The following PHF14 variants were observed in gnomAD, a reference collection of about 807,000 sequenced individuals.
PHF14 encodes the protein PHD finger protein 14.
Under a neutral mutation model 117.9 loss-of-function variants are expected in PHF14, and 55 were observed. The observed-to-expected ratio is 0.47, with a 90% CI of 0.38 to 0.58. The LOEUF is 0.58. PHF14 is among the 20% of genes least tolerant of loss of function. PHF14 has a pLI of 0.00. For synonymous variants in PHF14, 409 were observed against 368.6 expected, an observed-to-expected ratio of 1.11 and a Z score of -1.26; for missense variants, 978 against 1,122.2, an observed-to-expected ratio of 0.87 and a Z score of 1.84.
chr7:11,134,944 A>G (rs1788177512), intron 17 of PHF14, among the ~76,000 whole-genome samples: 1 of 152,118 alleles, frequency 6.6e-6, no homozygotes, highest in Non-Finnish European at 1.5e-5. Context: ...ATACTTGCAC[A>G]TAAACATGCT....
At chr7:11,124,272 T>A (rs976291065) in intron 17 of PHF14, among the ~76,000 whole-genome samples, 19 of 151,916 alleles carry the variant, frequency 1.3e-4, no homozygotes, top group African/African-American at 4.1e-4. Flanking sequence ...CAACCTACTT[T>A]AAAAAAAATT....
In PHF14 at chr7:11,132,022, A is replaced by T. The variant is rs1788103682; in HGVS notation, c.2772+20555A>T. Among the ~76,000 whole-genome samples, 4 of 151,796 alleles carry T rather than the reference A, an allele frequency of 2.6e-5. No homozygotes were observed. The South Asian group carries it at 8.3e-4, about 31-fold the overall frequency. ...TACAACATGGTGTTCTGGGATACAG[A>T]TATATGGTAAAAAGTTACTATAGTT... On this transcript the variant is annotated intron_variant, in intron 17 of 17. Coordinates refer to ENST00000634607, the MANE Select transcript of PHF14 (RefSeq NM_001007157.2).
chr7:11,015,075 A>G (rs1783490281), intron 5 of PHF14: 1 of 152,182 alleles, frequency 6.6e-6, no homozygotes, highest in South Asian at 2.1e-4. Context: ...AACATGCTTT[A>G]TATTAAAAAC....
At chr7:11,038,530 C>T (rs1289084402) in intron 10 of PHF14, among the ~76,000 whole-genome samples, 3 of 150,932 alleles carry the variant, frequency 2.0e-5, no homozygotes, top group Non-Finnish European at 4.4e-5. Context: ...TGGTGGTGCA[C>T]ACCTGTAGTC....
chr7:11,106,801 T>G (rs1018393573), intron 16 of PHF14: 163 of 984,416 alleles, frequency 1.7e-4, no homozygotes, highest in Non-Finnish European at 1.9e-4. Context: ...ATCCAACCCA[T>G]CAGTTCTCTG....
At chr7:11,124,976 G>A (rs1787881297) in intron 17 of PHF14, among the ~76,000 whole-genome samples, 1 of 152,096 alleles carries the variant, frequency 6.6e-6, no homozygotes, top group Admixed American at 6.6e-5. Flanking sequence ...ATTAAAGATG[G>A]TGCTATGGTA....
intron 16 of PHF14, among the ~76,000 whole-genome samples, chr7:11,067,238 A>T (rs1197427310): frequency 6.6e-6 from 1 of 152,236 alleles, no homozygotes; most frequent in African/African-American, 2.4e-5. Context: ...CAGGAAGAGT[A>T]AATCGAAACC....
chr7:11,004,779 T>C (rs1488196124), intron 4 of PHF14, among the ~76,000 whole-genome samples: 1 of 152,020 alleles, frequency 6.6e-6, no homozygotes, highest in African/African-American at 2.4e-5. Flanking sequence ...CTCATGCCTG[T>C]AATCCCAGCA....
At chr7:11,087,464 A>G (rs926915113) in intron 16 of PHF14, among the ~76,000 whole-genome samples, 5 of 152,130 alleles carry the variant, frequency 3.3e-5, no homozygotes, top group African/African-American at 4.8e-5. Flanking sequence ...TGCTGGGGTT[A>G]CAGGCATGAG....
chr7:11,157,269 A>G (rs1161636916), intron 17 of PHF14, among the ~76,000 whole-genome samples: 2 of 152,188 alleles, frequency 1.3e-5, no homozygotes, highest in Non-Finnish European at 2.9e-5. Context: ...CGTGACTTCA[A>G]GAGTTAATAT....
intron 16 of PHF14, among the ~76,000 whole-genome samples, chr7:11,091,421 A>G (rs1326383967): frequency 6.6e-6 from 1 of 152,164 alleles, no homozygotes; most frequent in African/African-American, 2.4e-5. Flanking sequence ...GGTCTACTGA[A>G]TTAGACATTT....
intron 3 of PHF14, among the ~76,000 whole-genome samples, chr7:10,990,089 T>C (rs1782391789): frequency 6.6e-6 from 1 of 152,192 alleles, no homozygotes; most frequent in Non-Finnish European, 1.5e-5. Context: ...TGTATTCATA[T>C]ACCTACGCAG....
At chr7:11,019,658 T>C (rs1302366039) in intron 5 of PHF14, among the ~76,000 whole-genome samples, 1 of 152,204 alleles carries the variant, frequency 6.6e-6, no homozygotes, top group African/African-American at 2.4e-5. Flanking sequence ...TAAAGGTTTG[T>C]CAGTGTTGTT....
intron 16 of PHF14, among the ~76,000 whole-genome samples, chr7:11,075,159 A>C (rs1785784155): frequency 6.6e-6 from 1 of 151,822 alleles, no homozygotes; most frequent in Non-Finnish European, 1.5e-5. Context: ...GGCTGGTCTC[A>C]AACTCCTGAG....
At chr7:11,070,704 T>A (rs1203975461) in intron 16 of PHF14, among the ~76,000 whole-genome samples, 4 of 152,236 alleles carry the variant, frequency 2.6e-5, no homozygotes. Flanking sequence ...GTGTCATTAT[T>A]GTCTGTCAAT....
At chr7:11,147,638 T>G (rs1788585822) in intron 17 of PHF14, among the ~76,000 whole-genome samples, 1 of 152,196 alleles carries the variant, frequency 6.6e-6, no homozygotes, top group African/African-American at 2.4e-5. Context: ...GTTTCATGAC[T>G]TCTAATTTTC....
At chr7:10,995,899 G>A (rs1284248100) in intron 4 of PHF14, among the ~76,000 whole-genome samples, 2 of 152,148 alleles carry the variant, frequency 1.3e-5, no homozygotes, top group Non-Finnish European at 2.9e-5. Flanking sequence ...GTTCCCACCC[G>A]TGCCTCTCCC....
intron 17 of PHF14, among the ~76,000 whole-genome samples, chr7:11,142,254 C>G (rs1046354595): frequency 5.3e-5 from 8 of 151,948 alleles, no homozygotes; most frequent in African/African-American, 1.7e-4. Context: ...ACTCAGGTAT[C>G]TTCACATTTA....
chr7:11,103,991 G>T, intron 16 of PHF14: 1 of 984,950 alleles, frequency 1.0e-6, no homozygotes, highest in Non-Finnish European at 1.2e-6. Flanking sequence ...TATTACTGTT[G>T]CTGAACTCTG....
Sources: gnomAD v4.1 joint callset for allele counts (sites outside exome capture counted in the v4.1 genomes callset) on GRCh38, gnomAD v4.1.1 for gene constraint, MANE v1.5 for transcripts, NCBI Gene and HGNC (gene_info 2026-07-23, HGNC 2026-07-21) for gene names.